Variants in PRDM15 observed in about 807,000 individuals in gnomAD.
The protein encoded by PRDM15 is PR domain zinc finger protein 15.
PRDM15 carries 64 observed loss-of-function variants against 128.6 expected under a neutral mutation model. The observed-to-expected ratio is 0.50, with a 90% confidence interval of 0.41 to 0.61. The LOEUF is 0.61. Ranked by LOEUF, PRDM15 falls within the 20% of genes least tolerant of loss-of-function variation. The probability of loss-of-function intolerance (pLI) is 0.00; values close to 1 mark genes in which losing one functional copy is unlikely to be tolerated. For missense variants in PRDM15, 1,242 were observed against 1,569.1 expected, an observed-to-expected ratio of 0.79 and a Z score of 3.52; for synonymous variants, 615 against 621.8, an observed-to-expected ratio of 0.99 and a Z score of 0.16.
rs374203127 is a variant in PRDM15, at chr21:41,878,680, G to A, written c.-10+590C>T. ...TACGAAAATAAGGCGCAGGGGGTCTGGGAGACCCCATCACCAGGACTCAGC... is the reference window on the plus strand; with the variant it reads ...TACGAAAATAAGGCGCAGGGGGTCTAGGAGACCCCATCACCAGGACTCAGC... On this transcript the variant is annotated intron_variant, in intron 1 of 23. Coordinates refer to ENST00000398548, the MANE Select transcript of PRDM15 (RefSeq NM_001040424.3). 177 of 1,529,152 alleles carry A rather than the reference G, an allele frequency of 1.2e-4. No individual in the cohort carries two copies. The African/African-American group carries it at 2.2e-3, about 19-fold the overall frequency. The allele number at this position is 1,529,152 out of a possible 1,614,324, so 94.7% of individuals were successfully genotyped here. A position where few individuals can be genotyped will look rare whatever the true frequency, so the allele number is the denominator to read the frequency against.
At chr21:41,834,532 C>G (rs138457928) in intron 11 of PRDM15, 1 of 1,550,192 alleles carries the variant, frequency 6.5e-7, no homozygotes, top group South Asian at 1.2e-5. Flanking sequence ...CGACTGCCGC[C>G]GGGCCCCCCC....
chr21:41,802,574 ATGTC>A (rs1247501208), intron 23 of PRDM15, 134 bp downstream of exon 23: 2 of 737,030 alleles, frequency 2.7e-6, no homozygotes, highest in Admixed American at 2.1e-5. Flanking sequence ...GAAAAACAGA[ATGTC>A]TGCTGCCTTC....
intron 19 of PRDM15, chr21:41,813,717 G>A (rs1222623155): frequency 1.3e-5 from 2 of 152,498 alleles, no homozygotes; most frequent in Non-Finnish European, 2.9e-5. Context: ...CATTGCGCAG[G>A]GTGCTTTAGT....
At chr21:41,823,533 C>T (rs1001469503) in intron 13 of PRDM15, 84 bp from the exon 14 acceptor site, 1 of 1,454,208 alleles carries the variant, frequency 6.9e-7, no homozygotes, top group African/African-American at 1.4e-5. Flanking sequence ...CTGGGGAAAC[C>T]ACAACCCGGG....
chr21:41,854,549 C>T lies in PRDM15; in HGVS notation c.538+17G>A, dbSNP rs371802510. The T allele has an allele frequency of 2.0e-4, 321 of 1,611,108 alleles. 1 individual carries two copies. The highest frequency in any genetic ancestry group is 1.3e-3 in the South Asian group (116 of 91,052). ...GCACAAGGGAAGGTGGGCTCCGGAT[C>T]GGGGGCCGCCACATACCGTGGACGC... On this transcript the variant is annotated intron_variant, in intron 5 of 23. Coordinates refer to ENST00000398548, the MANE Select transcript of PRDM15 (RefSeq NM_001040424.3). The surrounding 1 kb of genome is among the most constrained non-coding windows in gnomAD (Gnocchi z 4.6).
At chr21:41,816,504 C>A (rs4284910) in intron 18 of PRDM15, among the ~76,000 whole-genome samples, 39,775 of 152,174 alleles carry the variant, frequency 0.26, 5,532 homozygotes, top group African/African-American at 0.31. Context: ...CCCGAAGAGG[C>A]GCCTTCACTG....
chr21:41,875,186 C>T (rs911820690), intron 1 of PRDM15, among the ~76,000 whole-genome samples: 2 of 152,250 alleles, frequency 1.3e-5, no homozygotes, highest in African/African-American at 4.8e-5. Flanking sequence ...CCTCCTAAGC[C>T]CCTTTGCTGT....
rs761168969 is a variant in PRDM15 at position 41,810,175 on chromosome 21, G to A, written c.2631C>T (p.His877=). 3.7e-6 allele frequency: 6 copies of A among 1,610,590 alleles called. No homozygotes were observed. The South Asian group carries it at 4.4e-5, about 12-fold the overall frequency. ...KVSTRASMSR[H]MRRKHPEVLA... is the part of the protein sequence containing the mutation. Reference sequence around the variant, plus strand: ...TCACCTCGGGGTGCTTGCGCCGCATGTGTCGGCTCATGGAGGCCCTGGTGG... The same window carrying A: ...TCACCTCGGGGTGCTTGCGCCGCATATGTCGGCTCATGGAGGCCCTGGTGG... The change falls in exon 21 of 24, where the codon CAC becomes CAT. Residue 877 remains histidine (H), a synonymous_variant. Coordinates refer to ENST00000398548, the MANE Select transcript of PRDM15 (RefSeq NM_001040424.3). This position sits in a 1 kb window ranked among gnomAD's most constrained non-coding sequence, Gnocchi z 6.4.
intron 6 of PRDM15, among the ~76,000 whole-genome samples, chr21:41,843,099 TTTTG>T (rs573403762): frequency 2.0e-5 from 3 of 151,240 alleles, no homozygotes; most frequent in African/African-American, 7.3e-5. Flanking sequence ...TTTTTTGTTT[TTTTG>T]TTTGTTTTTT....
intron 12 of PRDM15, among the ~76,000 whole-genome samples, 170 bp downstream of exon 12, chr21:41,827,996 G>A (rs1051576035): frequency 3.3e-5 from 5 of 152,174 alleles, no homozygotes; most frequent in African/African-American, 4.8e-5. Context: ...ACTCTCCTGA[G>A]ACAGGTTCTC....
intron 13 of PRDM15, among the ~76,000 whole-genome samples, chr21:41,824,627 C>T (rs1384384776): frequency 9.9e-5 from 15 of 152,156 alleles, no homozygotes; most frequent in South Asian, 4.1e-4. Flanking sequence ...AGACTGGGGA[C>T]GGGGGATAAG....
At chr21:41,851,033 G>A (rs1312965918) in intron 5 of PRDM15, among the ~76,000 whole-genome samples, 4 of 152,156 alleles carry the variant, frequency 2.6e-5, no homozygotes, top group African/African-American at 7.2e-5. Flanking sequence ...TCCTGGGTTC[G>A]TCGGCTGCCA....
chr21:41,866,659 T>A (rs1375650175), intron 1 of PRDM15, among the ~76,000 whole-genome samples: 1 of 152,266 alleles, frequency 6.6e-6, no homozygotes, highest in Non-Finnish European at 1.5e-5. Flanking sequence ...GACCATCTTA[T>A]CAGCTCAAAC....
rs2061418705 is a variant in PRDM15 at position 41,801,597 on chromosome 21, G to A, written c.3069C>T (p.Ala1023=). Reference sequence around the variant, plus strand: ...GTTCAGGGGTGGTAAGGTGCCCCACGGCCACCGGCTGGAGATTGGTAAACT... The same window carrying A: ...GTTCAGGGGTGGTAAGGTGCCCCACAGCCACCGGCTGGAGATTGGTAAACT... ...ATQFTNLQPV[A]VGHLTTPERQ... The change falls in exon 24 of 24, where the codon GCC becomes GCT. Residue 1023 remains alanine (A), a synonymous_variant. Coordinates refer to ENST00000398548, the MANE Select transcript of PRDM15 (RefSeq NM_001040424.3). 3.7e-6 allele frequency: 6 copies of A among 1,614,182 alleles called. No individual in the cohort carries two copies. Among genetic ancestry groups the A allele is most frequent in the Admixed American group, 1.7e-5 (1 of 60,026 alleles).
intron 1 of PRDM15, among the ~76,000 whole-genome samples, chr21:41,867,770 C>T (rs2064064764): frequency 6.6e-6 from 1 of 152,132 alleles, no homozygotes; most frequent in Non-Finnish European, 1.5e-5. Flanking sequence ...TCAAGAATGT[C>T]ACATAGGCTG....
At chr21:41,836,013 C>T (rs1334372656) in intron 10 of PRDM15, 100 bp downstream of exon 10, 1 of 689,990 alleles carries the variant, frequency 1.4e-6, no homozygotes, top group African/African-American at 1.8e-5. Context: ...ACTCTCCTCC[C>T]TCCTGGGATT....
Position 41,806,519 on chromosome 21 carries a change from CCATCACCACCA to C in PRDM15, c.2653-1916_2653-1906del, listed in dbSNP as rs1281200635. Reference sequence around the variant, plus strand: ...ATCACCACCATCACCATCACCACCACCATCACCACCACCATCACTACCACCAACATCACCAC... The same window carrying C: ...ATCACCACCATCACCATCACCACCACCCATCACTACCACCAACATCACCAC... On this transcript the variant is annotated intron_variant, in intron 21 of 23. Transcript: ENST00000398548. 4.0e-3 allele frequency among the ~76,000 whole-genome samples: 70 copies of C among 17,428 alleles called. 4 individuals carry two copies. Among genetic ancestry groups the C allele is most frequent in the African/African-American group, 0.016 (64 of 3,932 alleles). 11.4% of individuals were successfully genotyped at this position (17,428 alleles called of 152,430 possible). A position where few individuals can be genotyped will look rare whatever the true frequency, so the allele number is the denominator to read the frequency against.
At position 41,821,298 on chromosome 21, in the gene PRDM15, G is replaced by A; in HGVS notation, c.1897-68C>T. ...GTCCCTGGTCCTCTTAGCTAATGAG[G>A]TCGTGTCCACAAACCAGGGCACCCG... On this transcript the variant is annotated intron_variant, in intron 15 of 23. Coordinates refer to ENST00000398548, the MANE Select transcript of PRDM15 (RefSeq NM_001040424.3). The surrounding 1 kb of genome is among the most constrained non-coding windows in gnomAD (Gnocchi z 5.4). 1 of 1,582,566 alleles carries A rather than the reference G, an allele frequency of 6.3e-7. No individual in the cohort carries two copies. Among genetic ancestry groups the A allele is most frequent in the Non-Finnish European group, 8.6e-7 (1 of 1,158,812 alleles).
At chr21:41,866,243 C>G (rs2839398) in intron 1 of PRDM15, among the ~76,000 whole-genome samples, 19,527 of 152,290 alleles carry the variant, frequency 0.13, 1,463 homozygotes, top group East Asian at 0.33. Flanking sequence ...ACAAGTTACG[C>G]CAAGAAAGTT....
Sources: gnomAD v4.1 joint callset for allele counts (sites outside exome capture counted in the v4.1 genomes callset) on GRCh38, gnomAD v4.1.1 for gene constraint, Gnocchi (gnomAD v3.1) non-coding constraint, MANE v1.5 for transcripts, NCBI Gene and HGNC (gene_info 2026-07-23, HGNC 2026-07-21) for gene names.